SYT1: variants seen among roughly 807,000 people sequenced by gnomAD.
SYT1 encodes synaptotagmin 1.
In SYT1, 8 loss-of-function variants were observed where a neutral mutation model predicts 44.8. That is an observed-to-expected ratio of 0.18 (90% CI 0.10 to 0.32). SYT1 has a LOEUF of 0.32. Among genes scored for constraint, SYT1 ranks in the 10% least tolerant of loss-of-function variants. The pLI, the probability that SYT1 is intolerant of heterozygous loss-of-function variation, is 1.00. For synonymous variants in SYT1, 154 were observed against 188.8 expected (o/e 0.82, Z 1.51); for missense variants, 286 against 509.3 (o/e 0.56, Z 4.22).
chr12:79,010,011 T>A (rs1871317149), intron 2 of SYT1, among the ~76,000 whole-genome samples: 2 of 152,190 alleles, frequency 1.3e-5, no homozygotes, highest in Admixed American at 6.5e-5. Context: ...TGTCTGTGAA[T>A]GGAATACTGC....
In SYT1 at chr12:78,985,577, C is replaced by T. The variant is rs1366837704; in HGVS notation, c.-84+7646C>T. On this transcript the variant is annotated intron_variant, in intron 2 of 10. Transcript: ENST00000261205. ...CCTGATCACCATTGCTCATGAACCC[C>T]CTTCATGTTAATGGGCACATTCCAA... Among the ~76,000 whole-genome samples, 6 of 151,556 alleles carry T rather than the reference C, an allele frequency of 4.0e-5. No homozygotes were observed. The East Asian group carries it at 1.2e-3, about 30-fold the overall frequency.
At chr12:79,326,909 G>C (rs895037981) in intron 8 of SYT1, among the ~76,000 whole-genome samples, 2 of 152,242 alleles carry the variant, frequency 1.3e-5, no homozygotes, top group African/African-American at 4.8e-5. Context: ...TCAGGGATCA[G>C]ATGACCAAAA....
chr12:78,903,531 C>A (rs1051973137), intron 1 of SYT1, among the ~76,000 whole-genome samples: 1 of 151,908 alleles, frequency 6.6e-6, no homozygotes, highest in South Asian at 2.1e-4. Context: ...GTGATCTGCC[C>A]GCCTCGGCCT....
intron 8 of SYT1, among the ~76,000 whole-genome samples, chr12:79,312,248 G>A (rs75025591): frequency 0.011 from 1,612 of 152,190 alleles, 31 homozygotes; most frequent in African/African-American, 0.037. Flanking sequence ...TGTTGTTACT[G>A]GAAATTTATT....
At chr12:79,309,113 G>A (rs1264305013) in intron 8 of SYT1, among the ~76,000 whole-genome samples, 1 of 152,206 alleles carries the variant, frequency 6.6e-6, no homozygotes, top group African/African-American at 2.4e-5. Flanking sequence ...TGTCCTGGCT[G>A]TCTGTGTGAT....
intron 2 of SYT1, among the ~76,000 whole-genome samples, chr12:78,982,916 A>G (rs1869373054): frequency 6.6e-6 from 1 of 152,126 alleles, no homozygotes; most frequent in African/African-American, 2.4e-5. Context: ...AACATCTACA[A>G]TGTCAGTTAT....
chr12:79,288,176 T>C (rs1241119920), intron 5 of SYT1, among the ~76,000 whole-genome samples: 2 of 152,012 alleles, frequency 1.3e-5, no homozygotes, highest in Non-Finnish European at 2.9e-5. Context: ...AGAGGAAGGC[T>C]AAAAAAGCAA....
At chr12:79,250,016 G>A (rs1428640396) in intron 4 of SYT1, among the ~76,000 whole-genome samples, 2 of 152,002 alleles carry the variant, frequency 1.3e-5, no homozygotes, top group Non-Finnish European at 2.9e-5. Flanking sequence ...TGATTATTAA[G>A]CACTTTACTT....
At chr12:78,940,294 A>G (rs547841246) in intron 1 of SYT1, among the ~76,000 whole-genome samples, 1 of 152,288 alleles carries the variant, frequency 6.6e-6, no homozygotes, top group Admixed American at 6.5e-5. Flanking sequence ...TTCCAACATT[A>G]TATTTCTCTT....
At chr12:78,894,688 G>C (rs962955354) in intron 1 of SYT1, among the ~76,000 whole-genome samples, 1 of 151,420 alleles carries the variant, frequency 6.6e-6, no homozygotes, top group Non-Finnish European at 1.5e-5. Flanking sequence ...AATATCTGAC[G>C]ATCTCACCAA....
intron 1 of SYT1, among the ~76,000 whole-genome samples, chr12:78,953,394 T>A (rs1159658176): frequency 1.3e-5 from 2 of 152,138 alleles, no homozygotes; most frequent in Non-Finnish European, 2.9e-5. Flanking sequence ...TAGGGGTTAC[T>A]TAGATGGATT....
At chr12:78,932,390 T>G (rs17046045) in intron 1 of SYT1, among the ~76,000 whole-genome samples, 13,837 of 152,176 alleles carry the variant, frequency 0.091, 723 homozygotes, top group East Asian at 0.18. Context: ...TTTACTGGTT[T>G]CATAGGATTA....
rs1870896330 is a variant in SYT1, at chr12:79,449,109, G to A, written c.1254G>A (p.Leu418=). The A allele has an allele frequency of 6.2e-7, 1 of 1,611,668 alleles. No individual in the cohort carries two copies. The highest frequency in any genetic ancestry group is 2.2e-5 in the East Asian group (1 of 44,810). The stretch of plus-strand genomic sequence containing the variant: ...TAGAGGAGGAAGTTGATGCCATGCT[G>A]GCCGTCAAGAAGTAAAGGAAAGAAG... ...LQVEEEVDAM[L]AVKK is the part of the protein sequence containing the mutation. Residue 418 remains leucine (L), a synonymous_variant, in exon 11 of 11, where the codon CTG becomes CTA. Transcript: ENST00000261205.
At chr12:78,999,550 C>T (rs1156647089) in intron 2 of SYT1, among the ~76,000 whole-genome samples, 12 of 152,088 alleles carry the variant, frequency 7.9e-5, no homozygotes, top group African/African-American at 2.2e-4. Context: ...AAGAAATAGT[C>T]TACTTTGGAT....
intron 3 of SYT1, among the ~76,000 whole-genome samples, chr12:79,200,777 C>T (rs1414289711): frequency 6.6e-6 from 1 of 152,106 alleles, no homozygotes; most frequent in East Asian, 1.9e-4. Context: ...TATTAGATTC[C>T]AACATAGAGT....
chr12:78,930,640 T>G (rs1877581020), intron 1 of SYT1, among the ~76,000 whole-genome samples: 1 of 151,066 alleles, frequency 6.6e-6, no homozygotes, highest in South Asian at 2.1e-4. Context: ...TTTAAAGATT[T>G]TCACCACTTC....
chr12:79,133,193 G>A (rs61927280), intron 3 of SYT1, among the ~76,000 whole-genome samples: 19,434 of 152,096 alleles, frequency 0.13, 1,443 homozygotes, highest in African/African-American at 0.2. Context: ...CCATAGTCAA[G>A]AACTGTATAT....
chr12:78,934,909 C>A (rs1466836880), intron 1 of SYT1, among the ~76,000 whole-genome samples: 1 of 152,012 alleles, frequency 6.6e-6, no homozygotes, highest in Non-Finnish European at 1.5e-5. Context: ...TGCTTTCTGC[C>A]CTTAGAGAAA....
At chr12:79,196,618 A>C (rs765764327) in intron 3 of SYT1, among the ~76,000 whole-genome samples, 14 of 152,124 alleles carry the variant, frequency 9.2e-5, no homozygotes, top group Non-Finnish European at 1.8e-4. Flanking sequence ...TGTCCCTTTA[A>C]CCTTTGAAGG....
Sources: allele counts gnomAD v4.1 joint callset (sites outside exome capture counted in the v4.1 genomes callset), GRCh38; gene constraint gnomAD v4.1.1; transcripts MANE v1.5; gene names NCBI Gene and HGNC (gene_info 2026-07-23, HGNC 2026-07-21).